The following COP1 variants were observed in gnomAD, a reference collection of about 807,000 sequenced individuals.
COP1 encodes E3 ubiquitin-protein ligase COP1.
COP1 carries 24 observed loss-of-function variants against 101.3 expected under a neutral mutation model. The ratio of observed to expected loss-of-function variants is 0.24; its 90% CI spans 0.17 to 0.33. The LOEUF is 0.33. Ranked by LOEUF, COP1 falls within the 10% of genes least tolerant of loss-of-function variation. COP1 has a pLI of 1.00. For synonymous variants in COP1, 347 were observed against 341.9 expected, an observed-to-expected ratio of 1.01 and a Z score of -0.17; for missense variants, 663 against 906.2, an observed-to-expected ratio of 0.73 and a Z score of 3.45.
At chr1:175,984,518 G>A in intron 18 of COP1, among the ~76,000 whole-genome samples, 1 of 152,202 alleles carries the variant, frequency 6.6e-6, no homozygotes, top group Non-Finnish European at 1.5e-5. Context: ...CAGTACAGAA[G>A]GGAAATGTGG....
At chr1:175,988,039 A>G (rs1183707937) in intron 17 of COP1, among the ~76,000 whole-genome samples, 2 of 152,228 alleles carry the variant, frequency 1.3e-5, no homozygotes, top group African/African-American at 4.8e-5. Context: ...GAACAACTAT[A>G]AAACAGTTAA....
At chr1:176,030,309 A>G (rs1278919713) in intron 14 of COP1, among the ~76,000 whole-genome samples, 1 of 152,198 alleles carries the variant, frequency 6.6e-6, no homozygotes, top group African/African-American at 2.4e-5. Flanking sequence ...ATAGCACTTA[A>G]AGATTAGATT....
chr1:176,070,626 C>T (rs371594704), intron 11 of COP1, among the ~76,000 whole-genome samples: 76 of 152,228 alleles, frequency 5.0e-4, no homozygotes, highest in African/African-American at 1.7e-3. Context: ...CGCACCACTG[C>T]ACTCCAGCCT....
At chr1:176,044,563 G>A (rs2149192158) in intron 12 of COP1, among the ~76,000 whole-genome samples, 1 of 152,298 alleles carries the variant, frequency 6.6e-6, no homozygotes, top group Admixed American at 6.5e-5. Flanking sequence ...GACTGGAAGA[G>A]TTTATTTGCA....
intron 8 of COP1, among the ~76,000 whole-genome samples, chr1:176,122,700 C>G (rs1687344591): frequency 6.6e-6 from 1 of 152,124 alleles, no homozygotes; most frequent in African/African-American, 2.4e-5. Flanking sequence ...ACTATGGAAC[C>G]TAATACTTAT....
chr1:176,145,106 G>C (rs1691363754), intron 6 of COP1, among the ~76,000 whole-genome samples: 1 of 152,038 alleles, frequency 6.6e-6, no homozygotes, highest in African/African-American at 2.4e-5. Flanking sequence ...ATTTGTGATA[G>C]ATAGATCTGA....
chr1:176,172,185 G>C (rs897848892), intron 3 of COP1, among the ~76,000 whole-genome samples: 1 of 152,094 alleles, frequency 6.6e-6, no homozygotes, highest in African/African-American at 2.4e-5. Flanking sequence ...AAGAAGCTAG[G>C]ACAACAGCTG....
chr1:176,095,739 G>A (rs887185843), intron 9 of COP1, among the ~76,000 whole-genome samples: 1 of 150,952 alleles, frequency 6.6e-6, no homozygotes, highest in Non-Finnish European at 1.5e-5. Context: ...GTTTGTACTT[G>A]TGATACAAAA....
intron 15 of COP1, among the ~76,000 whole-genome samples, chr1:175,990,979 A>G (rs1658293738): frequency 6.6e-6 from 1 of 151,876 alleles, no homozygotes; most frequent in Admixed American, 6.6e-5. Context: ...CATTTAATAT[A>G]ATTATTAATA....
chr1:176,197,792 T>A (rs2102230229), intron 1 of COP1, among the ~76,000 whole-genome samples: 1 of 152,214 alleles, frequency 6.6e-6, no homozygotes, highest in South Asian at 2.1e-4. Context: ...TACCAAAAAA[T>A]TATTAGAACT....
chr1:176,050,711 T>C (rs1398803995), intron 11 of COP1, among the ~76,000 whole-genome samples: 2 of 152,238 alleles, frequency 1.3e-5, no homozygotes. Context: ...ACTTGAAACT[T>C]CCATAACATA....
At chr1:176,109,514 G>A (rs540628007) in intron 9 of COP1, among the ~76,000 whole-genome samples, 27 of 151,744 alleles carry the variant, frequency 1.8e-4, no homozygotes, top group Non-Finnish European at 3.1e-4. Flanking sequence ...AGTTGATGAG[G>A]TAAATTCATC....
At chr1:175,955,058 G>A (rs961550408) in intron 18 of COP1, among the ~76,000 whole-genome samples, 1 of 151,930 alleles carries the variant, frequency 6.6e-6, no homozygotes, top group Non-Finnish European at 1.5e-5. Flanking sequence ...GACCAGCCTG[G>A]GCAATATGGC....
chr1:176,090,340 A>C (rs1681038248), intron 9 of COP1, among the ~76,000 whole-genome samples: 1 of 152,146 alleles, frequency 6.6e-6, no homozygotes, highest in Non-Finnish European at 1.5e-5. Flanking sequence ...GGACCTCTTG[A>C]GACTATGCCT....
intron 18 of COP1, among the ~76,000 whole-genome samples, chr1:175,952,879 T>G (rs1650126457): frequency 6.6e-6 from 1 of 152,294 alleles, no homozygotes; most frequent in South Asian, 2.1e-4. Flanking sequence ...GTTGCACCAC[T>G]GCACTCCAGC....
intron 8 of COP1, among the ~76,000 whole-genome samples, chr1:176,127,601 A>G (rs1422695862): frequency 4.7e-5 from 7 of 148,848 alleles, no homozygotes; most frequent in African/African-American, 1.7e-4. Flanking sequence ...ATGTGTATAT[A>G]TGTGTGTGTG....
chr1:176,042,906 G>GT (rs941439991), intron 14 of COP1, among the ~76,000 whole-genome samples: 22 of 151,220 alleles, frequency 1.5e-4, no homozygotes, highest in African/African-American at 4.9e-4. Context: ...GCACGTGGCT[G>GT]TAACTCCAGC....
intron 15 of COP1, among the ~76,000 whole-genome samples, chr1:176,014,585 GT>G (rs1665283922): frequency 6.6e-6 from 1 of 152,150 alleles, no homozygotes; most frequent in South Asian, 2.1e-4. Flanking sequence ...TAAAATACAT[GT>G]TTTTTTAAAA....
rs1403102752 is a variant in COP1 at position 175,987,043 on chromosome 1, A to G, written c.2033T>C (p.Phe678Ser). 1 of 1,602,014 alleles carries G rather than the reference A, an allele frequency of 6.2e-7. No individual in the cohort carries two copies. The highest frequency in any genetic ancestry group is 2.2e-5 in the East Asian group (1 of 44,758). ...AACACTTTTGACTGTATCAAACTTAAAAGTTAGCAAAGTCTTAGAAAGTCC... is the reference window on the plus strand; with the variant it reads ...AACACTTTTGACTGTATCAAACTTAGAAGTTAGCAAAGTCTTAGAAAGTCC... ...YKGLSKTLLT[F>S]KFDTVKSVLD... The change falls in exon 18 of 20, where the codon TTT (phenylalanine) becomes TCT (serine). Residue 678 changes from phenylalanine to serine, a missense_variant. Coordinates refer to ENST00000367669, the MANE Select transcript of COP1 (RefSeq NM_022457.7).
Sources: gnomAD v4.1 joint callset for allele counts (sites outside exome capture counted in the v4.1 genomes callset) on GRCh38, gnomAD v4.1.1 for gene constraint, MANE v1.5 for transcripts, NCBI Gene and HGNC (gene_info 2026-07-23, HGNC 2026-07-21) for gene names.